The following PRKAR1A variants were observed in gnomAD, a reference collection of about 807,000 sequenced individuals.
The protein encoded by PRKAR1A is protein kinase cAMP-dependent type I regulatory subunit alpha.
Under a neutral mutation model 52.0 loss-of-function variants are expected in PRKAR1A, and 3 were observed. The observed-to-expected ratio is 0.06, with a 90% CI of 0.03 to 0.15. The LOEUF (loss-of-function observed/expected upper bound fraction) is 0.15. Ranked by LOEUF, PRKAR1A falls within the 10% of genes least tolerant of loss-of-function variation. The pLI is 1.00. For missense variants in PRKAR1A, 240 were observed against 477.4 expected, an observed-to-expected ratio of 0.50 and a Z score of 4.63; for synonymous variants, 188 against 168.4, an observed-to-expected ratio of 1.12 and a Z score of -0.90.
chr17:68,510,900 A>C (rs1600450941), upstream of PRKAR1A, among the ~76,000 whole-genome samples: 2 of 152,140 alleles, frequency 1.3e-5, no homozygotes, highest in Admixed American at 1.3e-4. Context: ...GATTTGGGGG[A>C]GCAGTCGGCC....
At chr17:68,545,599 G>C (rs2086516234) in intron 11 of PRKAR1A, among the ~76,000 whole-genome samples, 1 of 152,172 alleles carries the variant, frequency 6.6e-6, no homozygotes, top group South Asian at 2.1e-4. Context: ...GGTTGGTGAG[G>C]CTGTGGCAAC....
the PRKAR1A span, among the ~76,000 whole-genome samples, chr17:68,449,871 C>T: frequency 9.2e-5 from 14 of 152,122 alleles, no homozygotes; most frequent in East Asian, 1.2e-3. Context: ...ATTAGCTGGG[C>T]GTGGTGGTGC....
At chr17:68,462,140 A>G in the PRKAR1A span, among the ~76,000 whole-genome samples, 1 of 152,192 alleles carries the variant, frequency 6.6e-6, no homozygotes, top group Non-Finnish European at 1.5e-5. Context: ...GAAAAATGTT[A>G]TTTCATGAAA....
At chr17:68,515,091 G>A (rs1171518393) in intron 1 of PRKAR1A, 1 of 389,102 alleles carries the variant, frequency 2.6e-6, no homozygotes, top group Non-Finnish European at 4.8e-6. Context: ...TCCCTTAAGG[G>A]CCTGACTTCA....
downstream of PRKAR1A, chr17:68,536,119 G>A (rs1039303819): frequency 2.9e-5 from 13 of 453,984 alleles, no homozygotes; most frequent in Non-Finnish European, 5.7e-5. Flanking sequence ...TCATGTGGGG[G>A]TACCACGGGG....
chr17:68,472,398 G>C, the PRKAR1A span, among the ~76,000 whole-genome samples: 1 of 152,100 alleles, frequency 6.6e-6, no homozygotes, highest in Non-Finnish European at 1.5e-5. Context: ...TTCCTGCTCC[G>C]GGCGTGTGAG....
chr17:68,523,903 T>C lies in PRKAR1A; in HGVS notation c.440+87T>C, dbSNP rs1029482602. ...CAACACTTGTTGCAAGTTTTAGAGCTCTTAGTAATTGTTCACCAGATGACA... is the reference window on the plus strand; with the variant it reads ...CAACACTTGTTGCAAGTTTTAGAGCCCTTAGTAATTGTTCACCAGATGACA... On this transcript the variant is annotated intron_variant, in intron 4 of 10. Transcript: ENST00000589228. 64 of 1,573,910 alleles carry C rather than the reference T, an allele frequency of 4.1e-5. 1 individual carries two copies. The African/African-American group carries it at 8.3e-4, about 20-fold the overall frequency.
the PRKAR1A span, among the ~76,000 whole-genome samples, chr17:68,495,398 C>T: frequency 6.6e-6 from 1 of 152,118 alleles, no homozygotes; most frequent in African/African-American, 2.4e-5. Flanking sequence ...CTATACCAGC[C>T]TCCTTTTCTT....
At chr17:68,457,513 C>G in the PRKAR1A span, 2 of 1,032,068 alleles carry the variant, frequency 1.9e-6, 1 homozygote, top group South Asian at 5.6e-5. Flanking sequence ...GGTCGCCGGT[C>G]CTGCCCCGCC....
the PRKAR1A span, among the ~76,000 whole-genome samples, chr17:68,492,312 G>T: frequency 6.6e-6 from 1 of 152,126 alleles, no homozygotes; most frequent in Non-Finnish European, 1.5e-5. Context: ...TGCACGGTTT[G>T]AGGCTTTAGC....
intron 2 of PRKAR1A, among the ~76,000 whole-genome samples, chr17:68,520,166 C>T (rs1294038947): frequency 6.6e-6 from 1 of 152,162 alleles, no homozygotes; most frequent in Non-Finnish European, 1.5e-5. Flanking sequence ...TGGACAGAGC[C>T]AAACCACACA....
At chr17:68,490,202 G>T in the PRKAR1A span, among the ~76,000 whole-genome samples, 3 of 152,336 alleles carry the variant, frequency 2.0e-5, no homozygotes, top group Admixed American at 2.0e-4. Context: ...TCTGTCCCAG[G>T]GTCCCTTTGG....
At chr17:68,440,485 T>C in the PRKAR1A span, among the ~76,000 whole-genome samples, 1 of 152,148 alleles carries the variant, frequency 6.6e-6, no homozygotes, top group African/African-American at 2.4e-5. Flanking sequence ...TTGCAAAGCC[T>C]AGAAAATATA....
the PRKAR1A span, among the ~76,000 whole-genome samples, chr17:68,460,708 T>G: frequency 6.6e-6 from 1 of 152,340 alleles, no homozygotes; most frequent in South Asian, 2.1e-4. Flanking sequence ...GTAGGTAAAT[T>G]TAAAAAATGA....
chr17:68,478,183 G>A, the PRKAR1A span, among the ~76,000 whole-genome samples: 2 of 152,154 alleles, frequency 1.3e-5, no homozygotes, highest in African/African-American at 4.8e-5. Flanking sequence ...GCCGGGTGTG[G>A]TGGCTCATGC....
At chr17:68,533,866 T>C (rs565162732), downstream of PRKAR1A, among the ~76,000 whole-genome samples, 3 of 152,338 alleles carry the variant, frequency 2.0e-5, no homozygotes, top group South Asian at 6.2e-4. Flanking sequence ...TAGCTGGGAC[T>C]ACAGATGTGT....
intron 2 of PRKAR1A, among the ~76,000 whole-genome samples, chr17:68,521,792 A>C (rs1292691466): frequency 6.6e-6 from 1 of 152,232 alleles, no homozygotes; most frequent in Non-Finnish European, 1.5e-5. Context: ...ATATATGGGC[A>C]CTTACAAATT....
the PRKAR1A span, among the ~76,000 whole-genome samples, chr17:68,505,789 C>T: frequency 8.5e-5 from 13 of 152,280 alleles, no homozygotes; most frequent in South Asian, 8.3e-4. Flanking sequence ...CACTGCACTC[C>T]AGCCTGGGTA....
the PRKAR1A span, among the ~76,000 whole-genome samples, chr17:68,461,955 A>G: frequency 6.6e-6 from 1 of 152,138 alleles, no homozygotes; most frequent in Non-Finnish European, 1.5e-5. The surrounding 1 kb of genome is among the most constrained non-coding windows in gnomAD (Gnocchi z 4.6). Flanking sequence ...CTAATTATAG[A>G]CAGTGTGTGT....
Sources: gnomAD v4.1 joint callset for allele counts (sites outside exome capture counted in the v4.1 genomes callset) on GRCh38, gnomAD v4.1.1 for gene constraint, Gnocchi (gnomAD v3.1) non-coding constraint, MANE v1.5 for transcripts, NCBI Gene and HGNC (gene_info 2026-07-23, HGNC 2026-07-21) for gene names.